CNGA3: variants seen among roughly 807,000 people sequenced by gnomAD.
CNGA3 encodes cyclic nucleotide-gated channel alpha-3.
A neutral mutation model predicts 46.6 loss-of-function variants in CNGA3; 42 were observed. The observed-to-expected ratio is 0.90, with a 90% CI of 0.70 to 1.17. The LOEUF (loss-of-function observed/expected upper bound fraction) is 1.17. Among genes scored for constraint, CNGA3 ranks in the 50% most tolerant of loss-of-function variants. CNGA3 has a pLI of 0.00. For synonymous variants in CNGA3, 394 were observed against 369.4 expected (o/e 1.07, Z -0.76); for missense variants, 893 against 890.7 (o/e 1.00, Z -0.03).
At chr2:98,391,406 C>T (rs1692784973) in intron 6 of CNGA3, among the ~76,000 whole-genome samples, 2 of 152,164 alleles carry the variant, frequency 1.3e-5, no homozygotes, top group Admixed American at 1.3e-4. Flanking sequence ...AGGAGGAGAG[C>T]TGGGGGTGCT....
intron 7 of CNGA3, among the ~76,000 whole-genome samples, chr2:98,394,861 G>A (rs1040324178): frequency 1.3e-5 from 2 of 152,262 alleles, no homozygotes; most frequent in South Asian, 2.1e-4. Flanking sequence ...TTTATCTTAC[G>A]TAAAATGTAG....
At chr2:98,370,120 G>T in intron 2 of CNGA3, 44 bp downstream of exon 2, 2 of 1,467,488 alleles carry the variant, frequency 1.4e-6, no homozygotes. Context: ...GCCTGGCTCT[G>T]GTCATTTCCA....
chr2:98,391,772 G>A, intron 6 of CNGA3, 92 bp from the exon 7 acceptor site: 1 of 1,189,280 alleles, frequency 8.4e-7, no homozygotes, highest in Non-Finnish European at 1.3e-6. Context: ...ACATGATCCA[G>A]CGTCTTCCAC....
intron 1 of CNGA3, among the ~76,000 whole-genome samples, chr2:98,356,901 G>A (rs1350867250): frequency 6.6e-6 from 1 of 152,114 alleles, no homozygotes; most frequent in African/African-American, 2.4e-5. Flanking sequence ...AATTCCAAGT[G>A]GAATGGAAAT....
chr2:98,391,853 G>A lies in CNGA3; in HGVS notation c.567-11G>A. ...ACGCACAGCCATCCATCTCCCACATGGCTTCTTTAGGGCCTGTTTCGATGA... is the reference window on the plus strand; with the variant it reads ...ACGCACAGCCATCCATCTCCCACATAGCTTCTTTAGGGCCTGTTTCGATGA... On this transcript the variant is annotated splice_polypyrimidine_tract_variant and intron_variant, in intron 6 of 7. Coordinates refer to ENST00000272602, the MANE Select transcript of CNGA3 (RefSeq NM_001298.3). The A allele has an allele frequency of 6.2e-7, 1 of 1,613,964 alleles. No individual in the cohort carries two copies. The highest frequency in any genetic ancestry group is 8.5e-7 in the Non-Finnish European group (1 of 1,179,840).
At chr2:98,362,729 G>A (rs773764221) in intron 1 of CNGA3, among the ~76,000 whole-genome samples, 8 of 152,224 alleles carry the variant, frequency 5.3e-5, no homozygotes, top group South Asian at 4.1e-4. Context: ...GCCTTTGCCC[G>A]TGCCTGTCTT....
chr2:98,376,731 T>C (rs1692413356), intron 2 of CNGA3, among the ~76,000 whole-genome samples: 1 of 152,208 alleles, frequency 6.6e-6, no homozygotes, highest in Non-Finnish European at 1.5e-5. Context: ...GGTCATGTGA[T>C]AGAATTAATT....
intron 1 of CNGA3, among the ~76,000 whole-genome samples, chr2:98,366,284 C>T (rs1692148332): frequency 6.6e-6 from 1 of 152,170 alleles, no homozygotes; most frequent in African/African-American, 2.4e-5. Context: ...TCCGGGAGAT[C>T]CGTCTCAAAG....
At position 98,383,388 on chromosome 2, in the gene CNGA3, C is replaced by A; in HGVS notation, c.396C>A (p.Ser132Arg). Residue 132 changes from serine (S) to arginine (R), a missense_variant and splice_region_variant, in exon 5 of 8, where the codon AGC becomes AGA. This residue lies in a region of CNGA3 where 333 missense variants were observed against 290.8 expected (regional missense o/e 1.15). Coordinates refer to ENST00000272602, the MANE Select transcript of CNGA3 (RefSeq NM_001298.3). The part of the protein sequence containing the change: ...GSQEPADRGR[S>R]AWPLAKCNTN... ...TGATGTTCTCTCTACCTTCCCGCAGCGCCTGGCCCCTGGCCAAATGCAACA... is the reference window on the plus strand; with the variant it reads ...TGATGTTCTCTCTACCTTCCCGCAGAGCCTGGCCCCTGGCCAAATGCAACA... The A allele has an allele frequency of 6.2e-7, 1 of 1,614,060 alleles. No homozygotes were observed. Among genetic ancestry groups the A allele is most frequent in the Non-Finnish European group, 8.5e-7 (1 of 1,179,994 alleles).
chr2:98,348,491 G>T (rs1004276111), intron 1 of CNGA3, among the ~76,000 whole-genome samples: 2 of 152,210 alleles, frequency 1.3e-5, no homozygotes, highest in Non-Finnish European at 2.9e-5. Flanking sequence ...AGCTCTGGCC[G>T]CTAGTTTCCC....
chr2:98,380,455 G>A, intron 4 of CNGA3, 101 bp downstream of exon 4: 1 of 1,411,630 alleles, frequency 7.1e-7, no homozygotes, highest in South Asian at 1.2e-5. Context: ...CAGGTGGCCT[G>A]GAACGTCATC....
Position 98,378,295 on chromosome 2 carries a change from C to T in CNGA3, c.215+495C>T. On this transcript the variant is annotated intron_variant, in intron 3 of 7. Transcript: ENST00000272602. ...AAGCTCTGCTTCCCCCTGATGACAT[C>T]CGTACTCCAGCTTCAACAGCTGCTC... is the stretch of plus-strand genomic sequence containing the variant. 3.6e-6 allele frequency: 5 copies of T among 1,393,108 alleles called. No individual in the cohort carries two copies. The South Asian group carries it at 7.1e-5, about 20-fold the overall frequency. 86.3% of individuals were successfully genotyped at this position (1,393,108 alleles called of 1,614,324 possible).
At chr2:98,388,244 T>A (rs1692700628) in intron 5 of CNGA3, among the ~76,000 whole-genome samples, 1 of 152,240 alleles carries the variant, frequency 6.6e-6, no homozygotes, top group Admixed American at 6.5e-5. Flanking sequence ...TGAAGTCTGC[T>A]AAATGTGCCC....
At chr2:98,366,517 C>G (rs891860961) in intron 1 of CNGA3, among the ~76,000 whole-genome samples, 1 of 152,250 alleles carries the variant, frequency 6.6e-6, no homozygotes, top group Non-Finnish European at 1.5e-5. Context: ...GTCCACTATT[C>G]AGTGGATACC....
chr2:98,377,753 A>G lies in CNGA3; in HGVS notation c.168A>G (p.Gly56=). ...LQPGIAMETR[G]LADSGQGSFT... is the part of the protein sequence containing the mutation. The stretch of plus-strand genomic sequence containing the variant: ...CGGGGATCGCCATGGAGACCAGAGG[A>G]CTGGCTGACTCCGGGCAGGGCTCCT... Residue 56 remains glycine, a synonymous_variant, in exon 3 of 8, where the codon GGA becomes GGG. Transcript: ENST00000272602. 2.5e-6 allele frequency: 4 copies of G among 1,613,050 alleles called. No homozygotes were observed. The highest frequency in any genetic ancestry group is 3.4e-6 in the Non-Finnish European group (4 of 1,179,988).
chr2:98,349,277 C>A (rs868640230), intron 1 of CNGA3, among the ~76,000 whole-genome samples: 5 of 151,634 alleles, frequency 3.3e-5, no homozygotes, highest in Non-Finnish European at 5.9e-5. Context: ...AAAAAAAAAA[C>A]CAAATGTACA....
At chr2:98,390,413 T>A (rs1431023689) in intron 6 of CNGA3, among the ~76,000 whole-genome samples, 3 of 151,926 alleles carry the variant, frequency 2.0e-5, no homozygotes, top group Non-Finnish European at 1.5e-5. Context: ...CCTCCCAAAG[T>A]GCTGGGATTC....
intron 2 of CNGA3, among the ~76,000 whole-genome samples, chr2:98,374,325 T>C (rs1244586008): frequency 6.6e-6 from 1 of 152,256 alleles, no homozygotes; most frequent in Non-Finnish European, 1.5e-5. Context: ...TACTAGTTGT[T>C]CTTGTTCTTG....
At position 98,395,821 on chromosome 2, in the gene CNGA3, A is replaced by G. The variant is rs764660037; in HGVS notation, c.674-23A>G. 1.6e-4 allele frequency: 256 copies of G among 1,612,102 alleles called. No homozygotes were observed. The Middle Eastern group carries it at 2.3e-3, about 15-fold the overall frequency. On this transcript the variant is annotated intron_variant, in intron 7 of 7. Transcript: ENST00000272602. ...AAAAAGTCAGCCTCTGTGATGCCCA[A>G]TGACCTCCATCTTCTTCTTTAGGTT...
Sources: allele counts gnomAD v4.1 joint callset (sites outside exome capture counted in the v4.1 genomes callset), GRCh38; gene constraint gnomAD v4.1.1; regional missense constraint gnomAD v4.1.1; transcripts MANE v1.5; gene names NCBI Gene and HGNC (gene_info 2026-07-23, HGNC 2026-07-21).